GLIS3: variants seen among roughly 807,000 people sequenced by gnomAD.
GLIS3 encodes GLIS family zinc finger 3, also known as zinc finger protein GLIS3.
Under a neutral mutation model 78.6 loss-of-function variants are expected in GLIS3, and 53 were observed. The ratio of observed to expected loss-of-function variants is 0.67; its 90% CI spans 0.54 to 0.85. The LOEUF is 0.85. Ranked by LOEUF, GLIS3 falls within the 40% of genes least tolerant of loss-of-function variation. The pLI is 0.00. For synonymous variants in GLIS3, 684 were observed against 509.9 expected (o/e 1.34, Z -4.60); for missense variants, 1,703 against 1,231.1 (o/e 1.38, Z -5.74).
chr9:4,234,235 A>C (rs933821707), intron 2 of GLIS3, among the ~76,000 whole-genome samples: 3 of 152,240 alleles, frequency 2.0e-5, no homozygotes, highest in Non-Finnish European at 4.4e-5. Flanking sequence ...AATGTTTGAC[A>C]CAATTGGTTT....
chr9:4,247,500 T>C (rs964699248), intron 2 of GLIS3, among the ~76,000 whole-genome samples: 6 of 152,154 alleles, frequency 3.9e-5, no homozygotes, highest in Admixed American at 3.9e-4. Flanking sequence ...GCGCATATGT[T>C]CTGGGGGTTA....
chr9:4,139,083 C>CA (rs1486000069), intron 2 of GLIS3, among the ~76,000 whole-genome samples: 1 of 152,102 alleles, frequency 6.6e-6, no homozygotes, highest in Non-Finnish European at 1.5e-5. Context: ...GGGTAAAGCC[C>CA]AACTTATCTT....
chr9:4,485,769 G>A, the GLIS3 span, among the ~76,000 whole-genome samples: 1 of 149,358 alleles, frequency 6.7e-6, no homozygotes, highest in East Asian at 2.0e-4. Flanking sequence ...TGCCCAGGCT[G>A]GAGTGCAATG....
chr9:4,233,795 G>A (rs915848402), intron 2 of GLIS3, among the ~76,000 whole-genome samples: 1 of 152,176 alleles, frequency 6.6e-6, no homozygotes, highest in African/African-American at 2.4e-5. Flanking sequence ...TCTTCCAATA[G>A]AAGGCTGTTT....
At chr9:3,952,840 T>TA (rs1816793011) in intron 4 of GLIS3, among the ~76,000 whole-genome samples, 2 of 152,068 alleles carry the variant, frequency 1.3e-5, no homozygotes, top group East Asian at 1.9e-4. Context: ...GCTACATTTC[T>TA]AAAAAAAACT....
At chr9:4,465,517 C>T in the GLIS3 span, among the ~76,000 whole-genome samples, 1 of 152,014 alleles carries the variant, frequency 6.6e-6, no homozygotes, top group African/African-American at 2.4e-5. Flanking sequence ...CCATTGCACT[C>T]CGGCCTGGGC....
intron 9 of GLIS3, among the ~76,000 whole-genome samples, chr9:3,854,402 C>A (rs1043956267): frequency 6.6e-6 from 1 of 152,180 alleles, no homozygotes; most frequent in East Asian, 1.9e-4. Context: ...TGTGGCTACA[C>A]TGGGGAAGTG....
At chr9:4,230,309 G>A (rs1290868266) in intron 2 of GLIS3, among the ~76,000 whole-genome samples, 2 of 152,176 alleles carry the variant, frequency 1.3e-5, no homozygotes, top group South Asian at 2.1e-4. Flanking sequence ...CGAACTGCAG[G>A]CCAGAAGCAG....
At chr9:4,075,170 C>T (rs1484976020) in intron 4 of GLIS3, among the ~76,000 whole-genome samples, 3 of 149,330 alleles carry the variant, frequency 2.0e-5, no homozygotes, top group African/African-American at 7.6e-5. Context: ...GGCGATGGTA[C>T]CACGAGTGTA....
intron 2 of GLIS3, among the ~76,000 whole-genome samples, chr9:4,233,022 C>T (rs1369454993): frequency 6.6e-6 from 1 of 152,230 alleles, no homozygotes; most frequent in African/African-American, 2.4e-5. Context: ...ATTACTACCA[C>T]CACACGACAG....
chr9:4,346,544 C>T (rs543065364), intron 2 of GLIS3, among the ~76,000 whole-genome samples: 8 of 152,322 alleles, frequency 5.3e-5, no homozygotes, highest in African/African-American at 1.9e-4. Context: ...TCCAGAGCCA[C>T]AAAATGTCAA....
chr9:3,827,426 AG>A lies in GLIS3; in HGVS notation c.*845del, dbSNP rs1817781274. 6.6e-6 allele frequency: 1 copy of A among 152,228 alleles called. No homozygotes were observed. The highest frequency in any genetic ancestry group is 6.5e-5 in the Admixed American group (1 of 15,276). 9.4% of individuals were successfully genotyped at this position (152,228 alleles called of 1,614,324 possible). The stretch of plus-strand genomic sequence containing the variant: ...GAGTTACTAAACAGTCAACTCAGGA[AG>A]GTTCCAGCTACAGGACTGTTGGTGC... On this transcript the variant is annotated 3_prime_UTR_variant, in exon 11 of 11. Transcript: ENST00000381971.
chr9:4,265,654 T>C (rs1032665238), intron 2 of GLIS3, among the ~76,000 whole-genome samples: 6 of 152,182 alleles, frequency 3.9e-5, no homozygotes, highest in East Asian at 1.9e-4. Context: ...TATCCAAATA[T>C]AGTTCAACAA....
the GLIS3 span, among the ~76,000 whole-genome samples, chr9:4,486,656 C>G: frequency 7.9e-5 from 12 of 152,264 alleles, no homozygotes; most frequent in Non-Finnish European, 1.6e-4. Flanking sequence ...GATTTTGAAG[C>G]AAACCTTCAG....
intron 4 of GLIS3, among the ~76,000 whole-genome samples, chr9:4,034,232 C>T (rs16920440): frequency 0.066 from 10,085 of 151,906 alleles, 466 homozygotes; most frequent in African/African-American, 0.12. Flanking sequence ...AAAAAAAAGT[C>T]GTAACAGATC....
chr9:3,916,763 T>A lies in GLIS3; in HGVS notation c.1983+15597A>T, dbSNP rs377306080. Among the ~76,000 whole-genome samples the A allele has an allele frequency of 7.9e-5, 12 of 152,324 alleles. No individual in the cohort carries two copies. The South Asian group carries it at 2.5e-3, about 32-fold the overall frequency. The stretch of plus-strand genomic sequence containing the variant: ...ACTGGTCCTTAGCCCTGAATGCACA[T>A]CTCTTTGCATTAATAAAATATTTTA... On this transcript the variant is annotated intron_variant, in intron 6 of 10. Coordinates refer to ENST00000381971, the MANE Select transcript of GLIS3 (RefSeq NM_001042413.2).
At chr9:3,928,898 T>G (rs750036016) in intron 6 of GLIS3, among the ~76,000 whole-genome samples, 15 of 152,216 alleles carry the variant, frequency 9.9e-5, no homozygotes, top group Non-Finnish European at 1.6e-4. Context: ...GCATCCTTTG[T>G]ATGCACTTTT....
intron 2 of GLIS3, among the ~76,000 whole-genome samples, chr9:4,324,876 C>A (rs981703708): frequency 3.3e-5 from 5 of 152,140 alleles, no homozygotes; most frequent in African/African-American, 1.2e-4. Flanking sequence ...TGCTTTAAAA[C>A]CTAAAAGTTA....
chr9:4,224,173 C>A (rs1821565666), intron 2 of GLIS3, among the ~76,000 whole-genome samples: 1 of 152,208 alleles, frequency 6.6e-6, no homozygotes, highest in African/African-American at 2.4e-5. Flanking sequence ...TTAAAACCCA[C>A]ATTATAACCC....
Sources: gnomAD v4.1 joint callset for allele counts (sites outside exome capture counted in the v4.1 genomes callset) on GRCh38, gnomAD v4.1.1 for gene constraint, MANE v1.5 for transcripts, NCBI Gene and HGNC (gene_info 2026-07-23, HGNC 2026-07-21) for gene names.